Variants in SYNE2 observed in about 807,000 individuals in gnomAD.
SYNE2 encodes the protein nesprin-2.
Under a neutral mutation model 856.3 loss-of-function variants are expected in SYNE2, and 431 were observed. That is an observed-to-expected ratio of 0.50 (90% CI 0.47 to 0.55). SYNE2 has a LOEUF of 0.55. SYNE2 is among the 20% of genes least tolerant of loss of function. The pLI, the probability that SYNE2 is intolerant of heterozygous loss-of-function variation, is 0.00. For synonymous variants in SYNE2, 2,923 were observed against 2,872.3 expected, an observed-to-expected ratio of 1.02 and a Z score of -0.56; for missense variants, 8,129 against 8,023.2, an observed-to-expected ratio of 1.01 and a Z score of -0.50.
chr14:63,794,417 T>A (rs1887847385), intron 1 of SYNE2, among the ~76,000 whole-genome samples: 1 of 152,100 alleles, frequency 6.6e-6, no homozygotes, highest in Admixed American at 6.6e-5. Flanking sequence ...CTCAAACTCC[T>A]GGCCTCAAAT....
chr14:64,215,619 T>C (rs1391652436), intron 107 of SYNE2: 4 of 568,402 alleles, frequency 7.0e-6, no homozygotes, highest in African/African-American at 3.8e-5. Context: ...GGTGCCTGTT[T>C]TGATGATTTT....
intron 103 of SYNE2, among the ~76,000 whole-genome samples, chr14:64,211,606 A>C (rs1567658005): frequency 6.6e-6 from 1 of 152,162 alleles, no homozygotes; most frequent in Non-Finnish European, 1.5e-5. Context: ...CTGGCCCCTC[A>C]GGGGGCTCTT....
At chr14:63,817,242 T>C (rs1486937894) in intron 1 of SYNE2, among the ~76,000 whole-genome samples, 1 of 152,098 alleles carries the variant, frequency 6.6e-6, no homozygotes, top group Non-Finnish European at 1.5e-5. Context: ...GGTGGATTGC[T>C]TGAGCTCAGG....
chr14:64,190,301 CTG>C, intron 99 of SYNE2, 64 bp downstream of exon 99: 14 of 1,597,682 alleles, frequency 8.8e-6, no homozygotes, highest in Non-Finnish European at 1.2e-5. Context: ...ATCTAGTAAA[CTG>C]AACCCAGTCT....
At chr14:64,157,627 ACT>A (rs1180904571) in intron 85 of SYNE2, among the ~76,000 whole-genome samples, 1 of 152,010 alleles carries the variant, frequency 6.6e-6, no homozygotes, top group Non-Finnish European at 1.5e-5. Context: ...TCATATGGCA[ACT>A]CTATTTAATT....
chr14:64,068,166 A>G (rs1015607389), intron 51 of SYNE2, among the ~76,000 whole-genome samples: 5 of 152,304 alleles, frequency 3.3e-5, no homozygotes, highest in Admixed American at 1.3e-4. Flanking sequence ...CTGTCTTCAC[A>G]CTTTTTAGTG....
intron 48 of SYNE2, 81 bp from the exon 49 acceptor site, chr14:64,055,863 A>G (rs1595181497): frequency 9.1e-6 from 9 of 992,592 alleles, no homozygotes; most frequent in South Asian, 4.3e-5. Context: ...CATATTATCT[A>G]TGTACCACGA....
chr14:64,218,547 A>G (rs780566914), intron 109 of SYNE2, 35 bp downstream of exon 109: 2 of 1,595,758 alleles, frequency 1.3e-6, no homozygotes, highest in East Asian at 2.2e-5. Flanking sequence ...CCAGAGAGGC[A>G]GAGTATGGTA....
In SYNE2 at chr14:64,175,075, C is replaced by T. The variant is rs1432630566; in HGVS notation, c.17367C>T (p.Asp5789=). The T allele has an allele frequency of 2.5e-6, 4 of 1,614,022 alleles. No individual in the cohort carries two copies. The African/African-American group carries it at 4.0e-5, about 16-fold the overall frequency. ...SVGRRISQLQ[D]SWKDMEPQLA... is the part of the protein sequence containing the mutation. ...GTAGGAGAATCAGTCAACTTCAGGA[C>T]AGCTGGAAAGACATGGAGCCCCAGC... The change falls in exon 95 of 116, where the codon GAC becomes GAT. Residue 5789 remains aspartate (D), a synonymous_variant. Coordinates refer to ENST00000555002, the MANE Select transcript of SYNE2 (RefSeq NM_182914.3).
chr14:64,205,303 C>T (rs964904862), intron 100 of SYNE2, among the ~76,000 whole-genome samples: 5 of 152,104 alleles, frequency 3.3e-5, no homozygotes, highest in African/African-American at 1.2e-4. Flanking sequence ...GAATAAGTTA[C>T]AGTGTGTTTA....
intron 1 of SYNE2, among the ~76,000 whole-genome samples, chr14:63,765,644 A>C (rs1353586057): frequency 1.3e-5 from 2 of 152,194 alleles, no homozygotes; most frequent in East Asian, 3.9e-4. Context: ...GGTGTGAGCC[A>C]CCACACCCAG....
chr14:64,207,582 C>T lies in SYNE2; in HGVS notation c.18202-1176C>T, dbSNP rs564524841. Among the ~76,000 whole-genome samples the T allele has an allele frequency of 3.4e-4, 51 of 151,468 alleles. No homozygotes were observed. In the South Asian group the frequency reaches 9.9e-3, roughly 29 times the overall value. ...AAAAAGAGAGTATGAAAATAGTGGTCCCATCTAGTAATATAGTAGTAATCT... is the reference window on the plus strand; with the variant it reads ...AAAAAGAGAGTATGAAAATAGTGGTTCCATCTAGTAATATAGTAGTAATCT... On this transcript the variant is annotated intron_variant, in intron 100 of 115. Coordinates refer to ENST00000555002, the MANE Select transcript of SYNE2 (RefSeq NM_182914.3).
At position 63,844,194 on chromosome 14, in the gene SYNE2, C is replaced by T. The variant is rs184336842; in HGVS notation, c.-304-8307C>T. Among the ~76,000 whole-genome samples the T allele has an allele frequency of 1.4e-3, 219 of 152,284 alleles. 1 individual carries two copies. In the Middle Eastern group the frequency reaches 0.02, roughly 14 times the overall value. On this transcript the variant is annotated intron_variant, in intron 1 of 23. Coordinates refer to the SYNE2 transcript ENST00000674003. ...GCTCCATCTATTGATCCCTCCATCC[C>T]CCCAATCCTGACAATCACTGATCTT...
At chr14:63,899,063 A>G (rs1056512520) in intron 1 of SYNE2, among the ~76,000 whole-genome samples, 6 of 152,156 alleles carry the variant, frequency 3.9e-5, no homozygotes, top group East Asian at 1.9e-4. Context: ...GCACCATTCT[A>G]CTGTCTGTCT....
chr14:64,088,000 T>C (rs1041081090), intron 58 of SYNE2, 144 bp downstream of exon 58: 14 of 834,118 alleles, frequency 1.7e-5, no homozygotes, highest in Middle Eastern at 3.6e-4. Flanking sequence ...CTGGCCAACA[T>C]GGTGAAACCC....
Position 64,051,816 on chromosome 14 carries a change from G to T in SYNE2, c.7903G>T (p.Val2635Leu). ...YDEFTTLMNKVQDTEISLQQQ... is the reference protein window; with the variant it reads ...YDEFTTLMNKLQDTEISLQQQ... ...TGAATTTACAACCCTCATGAATAAG[G>T]TACAGGACACTGAGATTTCTCTGCA... is the stretch of plus-strand genomic sequence containing the variant. Residue 2635 changes from valine (V) to leucine (L), a missense_variant, in exon 48 of 116, where the codon GTA (valine) becomes TTA (leucine). Coordinates refer to ENST00000555002, the MANE Select transcript of SYNE2 (RefSeq NM_182914.3). 1 of 1,614,064 alleles carries T rather than the reference G, an allele frequency of 6.2e-7. No homozygotes were observed. Among genetic ancestry groups the T allele is most frequent in the South Asian group, 1.1e-5 (1 of 91,082 alleles).
chr14:63,803,626 GT>G (rs1215005575), intron 1 of SYNE2, among the ~76,000 whole-genome samples: 1 of 152,200 alleles, frequency 6.6e-6, no homozygotes, highest in African/African-American at 2.4e-5. Context: ...CGCAGCCCCG[GT>G]TCCTGCTCGC....
intron 60 of SYNE2, among the ~76,000 whole-genome samples, chr14:64,091,978 G>A (rs962020752): frequency 2.6e-5 from 4 of 152,106 alleles, no homozygotes; most frequent in African/African-American, 9.7e-5. Context: ...TGAGGAGACT[G>A]TAATCTCTGG....
chr14:64,100,532 ATATATATATATATATATAT>A (rs1192668710), intron 63 of SYNE2, among the ~76,000 whole-genome samples: 1,153 of 43,192 alleles, frequency 0.027, 84 homozygotes, highest in South Asian at 0.06. Flanking sequence ...AAAAAAAAAA[ATATATATATATATATATAT>A]ATATATATAT....
Sources: allele counts gnomAD v4.1 joint callset (sites outside exome capture counted in the v4.1 genomes callset), GRCh38; gene constraint gnomAD v4.1.1; transcripts MANE v1.5; gene names NCBI Gene and HGNC (gene_info 2026-07-23, HGNC 2026-07-21).